The following MPPED1 variants were observed in gnomAD, a reference collection of about 807,000 sequenced individuals.
MPPED1 encodes metallophosphoesterase domain-containing protein 1.
MPPED1 carries 16 observed loss-of-function variants against 36.2 expected under a neutral mutation model. The ratio of observed to expected loss-of-function variants is 0.44; its 90% CI spans 0.30 to 0.67. MPPED1 has a LOEUF of 0.67. Ranked by LOEUF, MPPED1 falls within the 30% of genes least tolerant of loss-of-function variation. The probability of loss-of-function intolerance (pLI) is 0.10; values close to 1 mark genes in which losing one functional copy is unlikely to be tolerated. For synonymous variants in MPPED1, 199 were observed against 191.3 expected, an observed-to-expected ratio of 1.04 and a Z score of -0.33; for missense variants, 307 against 453.4, an observed-to-expected ratio of 0.68 and a Z score of 2.93.
At chr22:43,430,525 C>T (rs548090129) in intron 2 of MPPED1, among the ~76,000 whole-genome samples, 76 of 152,256 alleles carry the variant, frequency 5.0e-4, no homozygotes, top group African/African-American at 1.7e-3. Flanking sequence ...CGTGTTCTCT[C>T]CTCTGTGCTG....
intron 3 of MPPED1, among the ~76,000 whole-genome samples, chr22:43,449,809 G>A (rs135044): frequency 0.36 from 55,322 of 152,038 alleles, 10,338 homozygotes; most frequent in East Asian, 0.66. Context: ...GGGAAGTAAC[G>A]GGATGTTTCT....
intron 3 of MPPED1, among the ~76,000 whole-genome samples, chr22:43,456,289 T>C (rs956540022): frequency 3.3e-5 from 5 of 152,284 alleles, no homozygotes; most frequent in African/African-American, 7.2e-5. Flanking sequence ...TTGTAATATG[T>C]ATGTATTTAT....
intron 3 of MPPED1, among the ~76,000 whole-genome samples, chr22:43,463,935 G>T (rs1931069937): frequency 6.7e-6 from 1 of 148,894 alleles, no homozygotes. Context: ...TTGAGACAGA[G>T]TCTTGCTCTG....
intron 6 of MPPED1, 93 bp from the exon 7 acceptor site, chr22:43,505,405 C>T: frequency 8.9e-7 from 1 of 1,121,762 alleles, no homozygotes. Flanking sequence ...CACATTCAGC[C>T]CACAGGGGCT....
chr22:43,436,895 G>A lies in MPPED1; in HGVS notation c.406+1680G>A, dbSNP rs114886646. ...ACAGAGGAGAATGGAGGTTCTGAAGGGTGGGGACTGTCTCTCACACACAGC... is the reference window on the plus strand; with the variant it reads ...ACAGAGGAGAATGGAGGTTCTGAAGAGTGGGGACTGTCTCTCACACACAGC... On this transcript the variant is annotated intron_variant, in intron 3 of 6. Coordinates refer to ENST00000443721, the MANE Select transcript of MPPED1 (RefSeq NM_001044370.2). Among the ~76,000 whole-genome samples, 721 of 152,366 alleles carry A rather than the reference G, an allele frequency of 4.7e-3. 4 individuals carry two copies. The highest frequency in any genetic ancestry group is 0.016 in the African/African-American group (675 of 41,586).
intron 2 of MPPED1, among the ~76,000 whole-genome samples, chr22:43,429,703 G>T (rs1479280099): frequency 2.6e-5 from 4 of 152,240 alleles, no homozygotes; most frequent in Non-Finnish European, 5.9e-5. Context: ...CTGCATGCCT[G>T]GTGCCTAGCA....
In MPPED1 at chr22:43,424,926, G is replaced by T; in HGVS notation, c.-60G>T. ...TCCTCAGTCTGTTTCCAGGTCTGGCGGGGGGCCGGGCTGCGGTGGCGGCAG... is the reference window on the plus strand; with the variant it reads ...TCCTCAGTCTGTTTCCAGGTCTGGCTGGGGGCCGGGCTGCGGTGGCGGCAG... On this transcript the variant is annotated 5_prime_UTR_variant, in exon 2 of 7. Coordinates refer to ENST00000443721, the MANE Select transcript of MPPED1 (RefSeq NM_001044370.2). 6.5e-7 allele frequency: 1 copy of T among 1,539,062 alleles called. No homozygotes were observed.
rs115013432 is a variant in MPPED1 at position 43,505,064 on chromosome 22, A to G, written c.863-434A>G. Reference sequence around the variant, plus strand: ...GGTGTTGGTGATGATGTTGATCATGATAGTGATGATGATGACATTAGTGAT... The same window carrying G: ...GGTGTTGGTGATGATGTTGATCATGGTAGTGATGATGATGACATTAGTGAT... On this transcript the variant is annotated intron_variant, in intron 6 of 6. Transcript: ENST00000443721. Among the ~76,000 whole-genome samples, 883 of 151,242 alleles carry G rather than the reference A, an allele frequency of 5.8e-3. 13 individuals are homozygous for G. The highest frequency in any genetic ancestry group is 0.02 in the African/African-American group (844 of 41,218).
intron 3 of MPPED1, among the ~76,000 whole-genome samples, chr22:43,457,594 T>C (rs1432075284): frequency 2.0e-5 from 3 of 152,186 alleles, no homozygotes; most frequent in African/African-American, 7.2e-5. Flanking sequence ...CCATCTTTTC[T>C]TCTATTACTG....
In MPPED1 at chr22:43,474,497, C is replaced by T. The variant is rs538551728; in HGVS notation, c.407-239C>T. Reference sequence around the variant, plus strand: ...GCAGCTTCCTCCTGCCCGCCCCTCTCTCAGCCATGCTGTGGCTTCTGGACA... The same window carrying T: ...GCAGCTTCCTCCTGCCCGCCCCTCTTTCAGCCATGCTGTGGCTTCTGGACA... On this transcript the variant is annotated intron_variant, in intron 3 of 6. Coordinates refer to ENST00000443721, the MANE Select transcript of MPPED1 (RefSeq NM_001044370.2). The surrounding 1 kb of genome is among the most constrained non-coding windows in gnomAD (Gnocchi z 5.2). Among the ~76,000 whole-genome samples, 9 of 152,382 alleles carry T rather than the reference C, an allele frequency of 5.9e-5. No homozygotes were observed. The highest frequency in any genetic ancestry group is 1.2e-4 in the Non-Finnish European group (8 of 68,040).
intron 3 of MPPED1, among the ~76,000 whole-genome samples, chr22:43,463,819 C>CTTTTTTTT (rs1480549521): frequency 0.075 from 6,258 of 83,408 alleles, 612 homozygotes; most frequent in South Asian, 0.11. Flanking sequence ...TTCTTTCTTT[C>CTTTTTTTT]TTTCTTTCTT....
chr22:43,475,434 C>T (rs1044798104), intron 4 of MPPED1, among the ~76,000 whole-genome samples: 1 of 15,570 alleles, frequency 6.4e-5, no homozygotes, highest in Non-Finnish European at 1.4e-4. Context: ...ATGTCAGGGG[C>T]TGGGGGAGAT....
At position 43,447,883 on chromosome 22, in the gene MPPED1, A is replaced by ATATATTTTTT. The variant is rs1321289636; in HGVS notation, c.406+12669_406+12670insATATTTTTTT. Among the ~76,000 whole-genome samples, 13 of 67,702 alleles carry ATATATTTTTT rather than the reference A, an allele frequency of 1.9e-4. No homozygotes were observed. In the South Asian group the frequency reaches 2.9e-3, roughly 15 times the overall value. The allele number at this position is 67,702 out of a possible 152,430, so 44.4% of individuals were successfully genotyped here. ...ATTATATATATATATATATATATAT[A>ATATATTTTTT]TTTTTTTTTTTTTTAGACAAAGTCT... On this transcript the variant is annotated intron_variant, in intron 3 of 6. Transcript: ENST00000443721.
chr22:43,422,461 G>A (rs929461004), intron 1 of MPPED1, among the ~76,000 whole-genome samples: 9 of 152,172 alleles, frequency 5.9e-5, no homozygotes, highest in Admixed American at 1.3e-4. Context: ...CAGACCAGTC[G>A]TAGGGCCAGA....
chr22:43,435,136 C>G lies in MPPED1; in HGVS notation c.327C>G (p.Tyr109Ter). 6.2e-7 allele frequency: 1 copy of G among 1,613,512 alleles called. No homozygotes were observed. Among genetic ancestry groups the G allele is most frequent in the Non-Finnish European group, 8.5e-7 (1 of 1,179,830 alleles). The change falls in exon 3 of 7, where the codon TAC becomes TAG. Residue 109 changes from tyrosine to a stop codon, truncating the protein, a stop_gained. Transcript: ENST00000443721. LOFTEE classifies it high-confidence loss of function. ...HSRTDPIQMP[Y>*]GDVLIHAGDF... The stretch of plus-strand genomic sequence containing the variant: ...GGACGGACCCCATCCAGATGCCGTA[C>G]GGCGACGTGCTGATCCACGCTGGGG...
intron 4 of MPPED1, among the ~76,000 whole-genome samples, chr22:43,495,507 TGGTGGTGGTGGTGGA>T (rs1569088693): frequency 3.3e-5 from 2 of 61,454 alleles, no homozygotes; most frequent in Non-Finnish European, 6.2e-5. Flanking sequence ...GTGGTGGAGG[TGGTGGTGGTGGTGGA>T]GGTGGTGGTG....
At chr22:43,469,298 A>C (rs1931281957) in intron 3 of MPPED1, among the ~76,000 whole-genome samples, 2 of 152,200 alleles carry the variant, frequency 1.3e-5, no homozygotes, top group South Asian at 4.1e-4. Context: ...CATTAGGCAG[A>C]AGAGTTTGTA....
At chr22:43,445,511 C>A (rs1197993785) in intron 3 of MPPED1, among the ~76,000 whole-genome samples, 1 of 151,948 alleles carries the variant, frequency 6.6e-6, no homozygotes, top group African/African-American at 2.4e-5. Context: ...ACGTACCCTG[C>A]CCCCTCTTGC....
chr22:43,432,822 G>GAAAGGGAGGAGAGAGAGAT (rs1929791748), intron 2 of MPPED1, among the ~76,000 whole-genome samples: 1 of 80,270 alleles, frequency 1.2e-5, no homozygotes, highest in Non-Finnish European at 3.0e-5. Flanking sequence ...GAGAGAGAGA[G>GAAAGGGAGGAGAGAGAGAT]AAAGGGAGGA....
Sources: gnomAD v4.1 joint callset for allele counts (sites outside exome capture counted in the v4.1 genomes callset) on GRCh38, gnomAD v4.1.1 for gene constraint, Gnocchi (gnomAD v3.1) non-coding constraint, MANE v1.5 for transcripts, NCBI Gene and HGNC (gene_info 2026-07-23, HGNC 2026-07-21) for gene names.